The following SIN3A variants were observed in gnomAD, a reference collection of about 807,000 sequenced individuals.
The protein encoded by SIN3A is paired amphipathic helix protein Sin3a.
A neutral mutation model predicts 146.1 loss-of-function variants in SIN3A; 14 were observed. That is an observed-to-expected ratio of 0.10 (90% CI 0.06 to 0.15). The LOEUF (loss-of-function observed/expected upper bound fraction) is 0.15, where lower values mean the gene tolerates loss of function less well. Among genes scored for constraint, SIN3A ranks in the 10% least tolerant of loss-of-function variants. The pLI, the probability that SIN3A is intolerant of heterozygous loss-of-function variation, is 1.00. For missense variants in SIN3A, 1,028 were observed against 1,576.0 expected (o/e 0.65, Z 5.89); for synonymous variants, 572 against 572.0 (o/e 1.00, Z 0.00).
chr15:75,424,272 T>G (rs745838700), intron 2 of SIN3A, among the ~76,000 whole-genome samples: 1 of 151,772 alleles, frequency 6.6e-6, no homozygotes, highest in African/African-American at 2.4e-5. Flanking sequence ...CCATCTCTAC[T>G]GAAAATACAA....
intron 3 of SIN3A, among the ~76,000 whole-genome samples, chr15:75,416,265 A>G (rs1036580527): frequency 9.2e-5 from 14 of 152,162 alleles, no homozygotes; most frequent in Non-Finnish European, 1.8e-4. Context: ...TGGGGAAAAC[A>G]CCTTTCCCTT....
intron 14 of SIN3A, 42 bp from the exon 15 acceptor site, chr15:75,392,857 C>T (rs754744645): frequency 7.3e-6 from 10 of 1,378,258 alleles, no homozygotes; most frequent in South Asian, 1.3e-5. Flanking sequence ...GAGATGTCTA[C>T]AGCGACAACA....
intron 3 of SIN3A, 199 bp downstream of exon 3, chr15:75,422,448 G>GAC (rs1171863352): frequency 3.1e-6 from 2 of 644,600 alleles, no homozygotes; most frequent in Admixed American, 2.4e-5. Context: ...ACAAACATTT[G>GAC]AGTATATTCT....
intron 14 of SIN3A, among the ~76,000 whole-genome samples, chr15:75,394,452 A>C (rs577365326): frequency 6.6e-6 from 1 of 152,346 alleles, no homozygotes; most frequent in South Asian, 2.1e-4. Flanking sequence ...GTATAAGTTG[A>C]AACCAGGACA....
At chr15:75,414,547 G>A (rs2073699524) in intron 3 of SIN3A, among the ~76,000 whole-genome samples, 2 of 152,092 alleles carry the variant, frequency 1.3e-5, no homozygotes, top group Admixed American at 6.5e-5. Flanking sequence ...AGAATGATCA[G>A]TGAAGAATAA....
intron 1 of SIN3A, among the ~76,000 whole-genome samples, chr15:75,434,859 A>T (rs1230578745): frequency 6.6e-6 from 1 of 151,400 alleles, no homozygotes; most frequent in African/African-American, 2.4e-5. Context: ...GAGGCAGGAA[A>T]ATCGCTTGAA....
Position 75,371,124 on chromosome 15 carries a change from G to C in SIN3A, c.*855C>G, listed in dbSNP as rs1472931410. ...CAGTACTATGGTACACAAGAAGCTA[G>C]AGCAGTTATGCTAGCACATCAAAGC... On this transcript the variant is annotated 3_prime_UTR_variant, in exon 21 of 21. Coordinates refer to ENST00000394947, the MANE Select transcript of SIN3A (RefSeq NM_001145358.2). The C allele has an allele frequency of 2.0e-5, 3 of 152,616 alleles. No homozygotes were observed. The highest frequency in any genetic ancestry group is 1.9e-4 in the East Asian group (1 of 5,200). 9.5% of individuals were successfully genotyped at this position (152,616 alleles called of 1,614,324 possible).
At chr15:75,454,286 CAA>C (rs2074455855), upstream of SIN3A, among the ~76,000 whole-genome samples, 1 of 152,322 alleles carries the variant, frequency 6.6e-6, no homozygotes, top group African/African-American at 2.4e-5. Context: ...CAGTGGAAGA[CAA>C]GAGAAGGCGG....
intron 1 of SIN3A, among the ~76,000 whole-genome samples, chr15:75,450,833 G>A (rs1234441900): frequency 6.6e-6 from 1 of 152,182 alleles, no homozygotes; most frequent in South Asian, 2.1e-4. Context: ...GCTTTCCCTA[G>A]CACCTCCTCA....
At chr15:75,399,951 C>T in intron 12 of SIN3A, 89 bp downstream of exon 12, 1 of 760,398 alleles carries the variant, frequency 1.3e-6, no homozygotes, top group South Asian at 1.7e-5. Flanking sequence ...TTTGGCTCTT[C>T]CATCTTAATA....
At chr15:75,424,184 G>A (rs1359445273) in intron 2 of SIN3A, among the ~76,000 whole-genome samples, 1 of 152,112 alleles carries the variant, frequency 6.6e-6, no homozygotes, top group East Asian at 1.9e-4. Flanking sequence ...TGTAATCCCA[G>A]CACTTTGGGA....
intron 8 of SIN3A, among the ~76,000 whole-genome samples, chr15:75,407,454 C>T (rs918982940): frequency 6.6e-6 from 1 of 152,074 alleles, no homozygotes; most frequent in African/African-American, 2.4e-5. Context: ...TTTCTAGGGG[C>T]CCAAAGTAAC....
At chr15:75,396,128 C>T in intron 13 of SIN3A, 130 bp downstream of exon 13, 1 of 716,796 alleles carries the variant, frequency 1.4e-6, no homozygotes, top group Admixed American at 2.5e-5. Flanking sequence ...ACCTGAATTC[C>T]AACAACCAGG....
At position 75,392,289 on chromosome 15, in the gene SIN3A, C is replaced by T. The variant is rs2073220311; in HGVS notation, c.2804G>A (p.Arg935Gln). ...AATGGCAGGGCTGTCACTCTTGTCT[C>T]GCTTTATGCCCAGCACTTCCCGTTC... ...EWEREVLGIK[R>Q]DKSDSPAIQL... is the part of the protein sequence containing the mutation. Residue 935 changes from arginine (R) to glutamine (Q), a missense_variant, in exon 15 of 21, where the codon CGA becomes CAA. Arg to Gln is a conservative substitution (Grantham distance 43, BLOSUM62 1). Coordinates refer to ENST00000394947, the MANE Select transcript of SIN3A (RefSeq NM_001145358.2). 12 of 1,614,072 alleles carry T rather than the reference C, an allele frequency of 7.4e-6. No individual in the cohort carries two copies. The highest frequency in any genetic ancestry group is 3.3e-5 in the South Asian group (3 of 91,088).
intron 1 of SIN3A, among the ~76,000 whole-genome samples, chr15:75,437,378 G>A (rs1002232110): frequency 6.6e-6 from 1 of 152,012 alleles, no homozygotes; most frequent in East Asian, 1.9e-4. Context: ...TGCTGCCCAG[G>A]CTGGTCTCCA....
intron 13 of SIN3A, 57 bp downstream of exon 13, chr15:75,396,201 G>C (rs2073300130): frequency 8.3e-7 from 1 of 1,198,784 alleles, no homozygotes; most frequent in African/African-American, 1.5e-5. Context: ...TATTTAATGA[G>C]ACACTGAACC....
At chr15:75,429,136 T>C (rs540391857) in intron 2 of SIN3A, among the ~76,000 whole-genome samples, 5 of 152,166 alleles carry the variant, frequency 3.3e-5, no homozygotes, top group South Asian at 4.1e-4. Context: ...AAATTATACA[T>C]TGGCCAGACG....
In SIN3A at chr15:75,407,892, CAAAAAAAAAAA is replaced by C. The variant is rs775913884; in HGVS notation, c.1318-759_1318-749del. The stretch of plus-strand genomic sequence containing the variant: ...TGGGCAACAGAGTGAGACTCCATCT[CAAAAAAAAAAA>C]AAAAAAAAAAAAAAAAAAGGCACGC... On this transcript the variant is annotated intron_variant, in intron 8 of 20. Coordinates refer to ENST00000394947, the MANE Select transcript of SIN3A (RefSeq NM_001145358.2). Among the ~76,000 whole-genome samples the C allele has an allele frequency of 4.9e-4, 12 of 24,640 alleles. 1 individual carries two copies. Among genetic ancestry groups the C allele is most frequent in the South Asian group, 7.5e-3 (2 of 266 alleles). The allele number at this position is 24,640 out of a possible 152,430, so 16.2% of individuals were successfully genotyped here.
intron 16 of SIN3A, 112 bp downstream of exon 16, chr15:75,389,540 T>TA (rs1168875508): frequency 9.9e-7 from 1 of 1,010,412 alleles, no homozygotes; most frequent in African/African-American, 1.6e-5. Context: ...TTCAGAACCC[T>TA]ACGTTCATAA....
Sources: allele counts gnomAD v4.1 joint callset (sites outside exome capture counted in the v4.1 genomes callset), GRCh38; gene constraint gnomAD v4.1.1; transcripts MANE v1.5; gene names NCBI Gene and HGNC (gene_info 2026-07-23, HGNC 2026-07-21).